The following CNTNAP2 variants were observed in gnomAD, a reference collection of about 807,000 sequenced individuals.
The protein encoded by CNTNAP2 is contactin-associated protein-like 2.
A neutral mutation model predicts 155.2 loss-of-function variants in CNTNAP2; 98 were observed. That is an observed-to-expected ratio of 0.63 (90% CI 0.54 to 0.75). CNTNAP2 has a LOEUF of 0.75. Among genes scored for constraint, CNTNAP2 ranks in the 30% least tolerant of loss-of-function variants. The pLI is 0.00. For synonymous variants in CNTNAP2, 651 were observed against 631.2 expected (o/e 1.03, Z -0.47); for missense variants, 1,727 against 1,688.1 (o/e 1.02, Z -0.40).
chr7:147,876,920 T>C (rs1799429783), intron 13 of CNTNAP2, among the ~76,000 whole-genome samples: 1 of 151,952 alleles, frequency 6.6e-6, no homozygotes, highest in African/African-American at 2.4e-5. Context: ...AGGAGGATAT[T>C]ATAGGATTGG....
chr7:147,093,286 G>T (rs1192484178), intron 4 of CNTNAP2, among the ~76,000 whole-genome samples: 1 of 150,106 alleles, frequency 6.7e-6, no homozygotes, highest in African/African-American at 2.4e-5. Context: ...ACGTATGTCA[G>T]ATGATACAAT....
chr7:146,900,765 G>A (rs1041230773), intron 3 of CNTNAP2, among the ~76,000 whole-genome samples: 7 of 152,076 alleles, frequency 4.6e-5, no homozygotes, highest in Admixed American at 3.9e-4. Flanking sequence ...TGCTATCCGA[G>A]CGCAGAATAC....
chr7:147,041,886 T>A (rs1340030967), intron 3 of CNTNAP2, among the ~76,000 whole-genome samples: 1 of 152,208 alleles, frequency 6.6e-6, no homozygotes, highest in Non-Finnish European at 1.5e-5. Flanking sequence ...CAATTGTAGA[T>A]TTAATTCAAG....
chr7:146,568,628 T>G (rs1017320518), intron 1 of CNTNAP2, among the ~76,000 whole-genome samples: 5 of 152,214 alleles, frequency 3.3e-5, no homozygotes, highest in Non-Finnish European at 5.9e-5. Flanking sequence ...TGCATACAGA[T>G]TCTTGATTCA....
intron 11 of CNTNAP2, among the ~76,000 whole-genome samples, chr7:147,527,665 T>C (rs1435561555): frequency 6.6e-6 from 1 of 152,180 alleles, no homozygotes; most frequent in Admixed American, 6.5e-5. Context: ...ATCTTCTTAC[T>C]CTTTGGCACA....
chr7:146,536,172 G>A (rs1318974558), intron 1 of CNTNAP2, among the ~76,000 whole-genome samples: 1 of 151,958 alleles, frequency 6.6e-6, no homozygotes, highest in African/African-American at 2.4e-5. Flanking sequence ...ACCACATTTA[G>A]CAAAGGACAG....
At chr7:146,522,746 C>T in intron 1 of CNTNAP2, among the ~76,000 whole-genome samples, 1 of 149,798 alleles carries the variant, frequency 6.7e-6, no homozygotes. Flanking sequence ...AAAATAATAT[C>T]TATTATTAAT....
intron 1 of CNTNAP2, among the ~76,000 whole-genome samples, chr7:146,573,433 G>A (rs542085014): frequency 3.9e-5 from 6 of 152,174 alleles, no homozygotes; most frequent in Admixed American, 2.0e-4. Flanking sequence ...GAGCCACTGC[G>A]CCTGGCCTTT....
At chr7:147,455,384 A>T (rs868045228) in intron 10 of CNTNAP2, among the ~76,000 whole-genome samples, 28 of 152,254 alleles carry the variant, frequency 1.8e-4, no homozygotes, top group African/African-American at 6.0e-4. Context: ...AGACTTTAAA[A>T]ACTTCAGTAA....
chr7:146,189,327 A>G (rs949536789), intron 1 of CNTNAP2, among the ~76,000 whole-genome samples: 13 of 152,162 alleles, frequency 8.5e-5, no homozygotes, highest in Non-Finnish European at 1.5e-5. Context: ...CTTGATGACA[A>G]TGGTGATGAT....
intron 1 of CNTNAP2, among the ~76,000 whole-genome samples, chr7:146,720,594 G>C (rs1801269126): frequency 6.6e-6 from 1 of 151,888 alleles, no homozygotes; most frequent in Admixed American, 6.6e-5. Flanking sequence ...AATTTTCATG[G>C]TGATTACAAT....
intron 3 of CNTNAP2, among the ~76,000 whole-genome samples, chr7:146,964,743 G>T (rs1351900271): frequency 6.6e-6 from 1 of 152,162 alleles, no homozygotes; most frequent in South Asian, 2.1e-4. Flanking sequence ...TACAAGTATT[G>T]TAGGCTTTAT....
At chr7:148,341,758 A>G (rs1288985840) in intron 21 of CNTNAP2, among the ~76,000 whole-genome samples, 1 of 152,226 alleles carries the variant, frequency 6.6e-6, no homozygotes, top group Admixed American at 6.5e-5. Context: ...CTCACTAGTG[A>G]AAGGGTCTAT....
intron 1 of CNTNAP2, among the ~76,000 whole-genome samples, chr7:146,746,292 TAAG>T (rs1276080271): frequency 6.6e-6 from 1 of 152,164 alleles, no homozygotes; most frequent in East Asian, 1.9e-4. Context: ...TGTGTGGAAA[TAAG>T]AAAAGTATTT....
intron 11 of CNTNAP2, among the ~76,000 whole-genome samples, chr7:147,542,313 A>G (rs78634897): frequency 0.2 from 29,501 of 150,486 alleles, 3,106 homozygotes; most frequent in Admixed American, 0.29. Flanking sequence ...AAAAAAAAAA[A>G]GCTCCAAAAA....
intron 1 of CNTNAP2, among the ~76,000 whole-genome samples, chr7:146,231,046 T>G (rs1799375508): frequency 1.5e-5 from 1 of 68,650 alleles, no homozygotes; most frequent in South Asian, 4.4e-4. Flanking sequence ...AAATAAAAAG[T>G]TAATATATTT....
intron 1 of CNTNAP2, among the ~76,000 whole-genome samples, chr7:146,603,602 C>T (rs1346112686): frequency 6.6e-6 from 1 of 150,576 alleles, no homozygotes; most frequent in East Asian, 2.0e-4. Context: ...CAAAAAAGAG[C>T]CCGCATTGCC....
intron 1 of CNTNAP2, among the ~76,000 whole-genome samples, chr7:146,558,227 ATGT>A (rs972421140): frequency 1.4e-4 from 21 of 152,256 alleles, no homozygotes; most frequent in Non-Finnish European, 2.8e-4. Flanking sequence ...GTGCTGGGAC[ATGT>A]TGTGCACATG....
At chr7:147,468,025 T>G (rs554968111) in intron 10 of CNTNAP2, among the ~76,000 whole-genome samples, 2 of 152,010 alleles carry the variant, frequency 1.3e-5, no homozygotes, top group South Asian at 2.1e-4. Flanking sequence ...AACTCACATC[T>G]GTAATCCCAG....
Sources: gnomAD v4.1 joint callset for allele counts (sites outside exome capture counted in the v4.1 genomes callset) on GRCh38, gnomAD v4.1.1 for gene constraint, MANE v1.5 for transcripts, NCBI Gene and HGNC (gene_info 2026-07-23, HGNC 2026-07-21) for gene names.